PDCD11: variants seen among roughly 807,000 people sequenced by gnomAD.
PDCD11 encodes the protein programmed cell death 11.
A neutral mutation model predicts 198.9 loss-of-function variants in PDCD11; 97 were observed. The ratio of observed to expected loss-of-function variants is 0.49; its 90% CI spans 0.41 to 0.58. PDCD11 has a LOEUF of 0.58. Ranked by LOEUF, PDCD11 falls within the 20% of genes least tolerant of loss-of-function variation. The probability of loss-of-function intolerance (pLI) is 0.00; values close to 1 mark genes in which losing one functional copy is unlikely to be tolerated. For synonymous variants in PDCD11, 893 were observed against 918.0 expected, an observed-to-expected ratio of 0.97 and a Z score of 0.49; for missense variants, 2,102 against 2,312.7, an observed-to-expected ratio of 0.91 and a Z score of 1.87.
At chr10:103,397,338 T>G (rs945799649) in intron 1 of PDCD11, among the ~76,000 whole-genome samples, 3 of 152,144 alleles carry the variant, frequency 2.0e-5, no homozygotes, top group Non-Finnish European at 2.9e-5. Context: ...AGTATATTTT[T>G]CTTGCTTACT....
Position 103,413,961 on chromosome 10 carries a change from T to C in PDCD11, c.1186-5T>C, listed in dbSNP as rs201334332. The C allele has an allele frequency of 7.0e-5, 113 of 1,608,144 alleles. No individual in the cohort carries two copies. The highest frequency in any genetic ancestry group is 7.6e-5 in the Non-Finnish European group (89 of 1,176,992). On this transcript the variant is annotated splice_region_variant and splice_polypyrimidine_tract_variant and intron_variant, in intron 9 of 35. Coordinates refer to ENST00000369797, the MANE Select transcript of PDCD11 (RefSeq NM_014976.2). ...GCTTATCCTCAATCACTTGGTACTT[T>C]GCAGCTCAGCCATCTCTCTGATTCT...
At position 103,433,956 on chromosome 10, in the gene PDCD11, G is replaced by A. The variant is rs2032040805; in HGVS notation, c.3483G>A (p.Val1161=). The change falls in exon 23 of 36, where the codon GTG becomes GTA. Residue 1161 remains valine, a synonymous_variant. Transcript: ENST00000369797. The stretch of plus-strand genomic sequence containing the variant: ...TCCTTTTTTTCCCTCAGTACAATGT[G>A]GTGAAGAAATGGCTTGAGGTGGAGA... ...TVTCFLKKYN[V]VKKWLEVEIA... is the part of the protein sequence containing the mutation. The A allele has an allele frequency of 6.2e-7, 1 of 1,612,262 alleles. No individual in the cohort carries two copies. Among genetic ancestry groups the A allele is most frequent in the Non-Finnish European group, 8.5e-7 (1 of 1,178,386 alleles).
intron 1 of PDCD11, among the ~76,000 whole-genome samples, chr10:103,397,817 T>C (rs2093445218): frequency 6.6e-6 from 1 of 152,248 alleles, no homozygotes; most frequent in South Asian, 2.1e-4. Flanking sequence ...CAGCAAGCCT[T>C]TGAGCAGTTG....
intron 21 of PDCD11, among the ~76,000 whole-genome samples, chr10:103,430,265 TTA>T (rs2031872927): frequency 6.6e-6 from 1 of 152,228 alleles, no homozygotes; most frequent in African/African-American, 2.4e-5. Flanking sequence ...AGTGCTGAGA[TTA>T]TAGGCATGAG....
Position 103,419,581 on chromosome 10 carries a change from G to A in PDCD11, c.2150G>A (p.Gly717Asp), listed in dbSNP as rs773288100. ...GCCTTGGTCTCCACAGTAGAAGGTG[G>A]CCAGGATCCCAAGAACTTCTCAGAA... Reference protein sequence around the residue: ...KPALVSTVEGGQDPKNFSEIH... With the variant: ...KPALVSTVEGDQDPKNFSEIH... The change falls in exon 16 of 36, where the codon GGC (glycine) becomes GAC (aspartate). Residue 717 changes from glycine to aspartate, a missense_variant. Coordinates refer to ENST00000369797, the MANE Select transcript of PDCD11 (RefSeq NM_014976.2). 7 of 1,613,976 alleles carry A rather than the reference G, an allele frequency of 4.3e-6. No individual in the cohort carries two copies. The Admixed American group carries it at 6.7e-5, about 15-fold the overall frequency.
intron 2 of PDCD11, among the ~76,000 whole-genome samples, chr10:103,399,159 T>C (rs576555127): frequency 2.5e-4 from 37 of 148,864 alleles, no homozygotes; most frequent in Middle Eastern, 6.9e-3. Context: ...TTGCCCATGC[T>C]GAAGTGCAGT....
In PDCD11 at chr10:103,445,487, C is replaced by G; in HGVS notation, c.5554C>G (p.Gln1852Glu). 2 of 1,614,138 alleles carry G rather than the reference C, an allele frequency of 1.2e-6. No individual in the cohort carries two copies. Among genetic ancestry groups the G allele is most frequent in the Non-Finnish European group, 1.7e-6 (2 of 1,180,020 alleles). Residue 1852 changes from glutamine (Q) to glutamate (E), a missense_variant, in exon 36 of 36, where the codon CAG becomes GAG. Gln to Glu is a conservative substitution (Grantham distance 29). Coordinates refer to ENST00000369797, the MANE Select transcript of PDCD11 (RefSeq NM_014976.2). ...GCAGCATGGCACTGAGAAGGATGTG[C>G]AGGCAGTCAAGGCCAAGGCCCTGGA... is the stretch of plus-strand genomic sequence containing the variant. ...EKQHGTEKDVQAVKAKALEYV... is the reference protein window; with the variant it reads ...EKQHGTEKDVEAVKAKALEYV...
In PDCD11 at chr10:103,415,042, T is replaced by G. The variant is rs1341881796; in HGVS notation, c.1409T>G (p.Val470Gly). The change falls in exon 12 of 36, where the codon GTG becomes GGG. Residue 470 changes from valine to glycine, a missense_variant. By Grantham distance (109) the Val-to-Gly change is moderately radical. Coordinates refer to ENST00000369797, the MANE Select transcript of PDCD11 (RefSeq NM_014976.2). ...VLTIKSYGML[V>G]KVGEQMRGLV... ...ACCATAAAGTCATATGGGATGCTGGTGAAGGTGGGCGAGCAGATGAGGGGC... is the reference window on the plus strand; with the variant it reads ...ACCATAAAGTCATATGGGATGCTGGGGAAGGTGGGCGAGCAGATGAGGGGC... 6.2e-7 allele frequency: 1 copy of G among 1,614,078 alleles called. No individual in the cohort carries two copies. Among genetic ancestry groups the G allele is most frequent in the Non-Finnish European group, 8.5e-7 (1 of 1,180,010 alleles).
At chr10:103,431,027 T>C (rs1217759595) in intron 21 of PDCD11, among the ~76,000 whole-genome samples, 1 of 152,112 alleles carries the variant, frequency 6.6e-6, no homozygotes, top group East Asian at 1.9e-4. Flanking sequence ...CTCAAACTCC[T>C]GACCTTAGGT....
rs746598611 is a variant in PDCD11, at chr10:103,441,816, G to A, written c.4558-10G>A. On this transcript the variant is annotated splice_polypyrimidine_tract_variant and intron_variant, in intron 30 of 35. Coordinates refer to ENST00000369797, the MANE Select transcript of PDCD11 (RefSeq NM_014976.2). ...CAGGTGCTTTCTTTAGCGCCTCTGT[G>A]TTCCTCCAGGAGAAGCAAACCAAGC... 3.7e-6 allele frequency: 6 copies of A among 1,613,678 alleles called. No individual in the cohort carries two copies. In the Admixed American group the frequency reaches 1.0e-4, roughly 27 times the overall value.
Position 103,428,345 on chromosome 10 carries a change from A to G in PDCD11, c.3368+954A>G, listed in dbSNP as rs1384360028. The stretch of plus-strand genomic sequence containing the variant: ...AACACAAAGTAAATATTCCTGGCAC[A>G]TTGAGTTTCAGATGCTAATAACACT... On this transcript the variant is annotated intron_variant, in intron 21 of 35. Coordinates refer to ENST00000369797, the MANE Select transcript of PDCD11 (RefSeq NM_014976.2). Among the ~76,000 whole-genome samples, 6 of 152,092 alleles carry G rather than the reference A, an allele frequency of 3.9e-5. No homozygotes were observed. The East Asian group carries it at 7.7e-4, about 20-fold the overall frequency.
intron 21 of PDCD11, among the ~76,000 whole-genome samples, chr10:103,431,074 A>G (rs2031914709): frequency 6.6e-6 from 1 of 152,092 alleles, no homozygotes; most frequent in Admixed American, 6.5e-5. Flanking sequence ...TGCTGGGGCA[A>G]TTCTTACTTT....
In PDCD11 at chr10:103,437,944, G is replaced by A. The variant is rs991574071; in HGVS notation, c.3846-71G>A. 4.0e-5 allele frequency: 49 copies of A among 1,234,302 alleles called. No homozygotes were observed. In the Admixed American group the frequency reaches 8.2e-4, roughly 21 times the overall value. 76.5% of individuals were successfully genotyped at this position (1,234,302 alleles called of 1,614,324 possible). ...TGCCTATTCGTCAGCCTGGAGGAGA[G>A]GAAGCTGAGACCCTTTGCTGTTCAC... is the stretch of plus-strand genomic sequence containing the variant. On this transcript the variant is annotated intron_variant, in intron 25 of 35. Transcript: ENST00000369797.
At chr10:103,401,074 A>G (rs770717717) in intron 3 of PDCD11, among the ~76,000 whole-genome samples, 58 of 151,860 alleles carry the variant, frequency 3.8e-4, no homozygotes, top group Non-Finnish European at 6.8e-4. Flanking sequence ...TTTTCCTTTA[A>G]AGCTGTCGTG....
At chr10:103,421,317 C>G in intron 16 of PDCD11, 31 bp from the exon 17 acceptor site, 1 of 1,545,524 alleles carries the variant, frequency 6.5e-7, no homozygotes, top group Non-Finnish European at 8.8e-7. Flanking sequence ...GACCTTTCCT[C>G]TTCTCATCTC....
Position 103,421,443 on chromosome 10 carries a change from G to A in PDCD11, c.2373G>A (p.Gln791=). 1 of 1,605,940 alleles carries A rather than the reference G, an allele frequency of 6.2e-7. No homozygotes were observed. The highest frequency in any genetic ancestry group is 8.5e-7 in the Non-Finnish European group (1 of 1,176,240). ...AKVTNVDEEK[Q]RMLLSLRLSD... ...TGACCAATGTGGATGAGGAGAAGCA[G>A]CGGATGCTGCTGTCACTGCGGCTGT... Residue 791 remains glutamine, a synonymous_variant, in exon 17 of 36, where the codon CAG becomes CAA. Coordinates refer to ENST00000369797, the MANE Select transcript of PDCD11 (RefSeq NM_014976.2).
Position 103,429,900 on chromosome 10 carries a change from C to T in PDCD11, c.3369-2229C>T, listed in dbSNP as rs914782311. Reference sequence around the variant, plus strand: ...ATATAAATGGAACACATACAGTATGCGTCCTTTTGTGACTGGCTTATTTCA... The same window carrying T: ...ATATAAATGGAACACATACAGTATGTGTCCTTTTGTGACTGGCTTATTTCA... On this transcript the variant is annotated intron_variant, in intron 21 of 35. Coordinates refer to ENST00000369797, the MANE Select transcript of PDCD11 (RefSeq NM_014976.2). Among the ~76,000 whole-genome samples the T allele has an allele frequency of 3.3e-5, 5 of 152,192 alleles. No homozygotes were observed. The East Asian group carries it at 5.8e-4, about 18-fold the overall frequency.
Position 103,403,222 on chromosome 10 carries a change from T to C in PDCD11, c.339T>C (p.Thr113=). ...PNGLQGFVQV[T]EICDAYTKKL... ...GCCTCCAGGGCTTTGTGCAAGTCAC[T>C]GAAATCTGTGATGCCTACACCAAAA... The change falls in exon 4 of 36, where the codon ACT becomes ACC. Residue 113 remains threonine, a synonymous_variant. Coordinates refer to ENST00000369797, the MANE Select transcript of PDCD11 (RefSeq NM_014976.2). The C allele has an allele frequency of 6.2e-7, 1 of 1,614,166 alleles. No individual in the cohort carries two copies. The highest frequency in any genetic ancestry group is 8.5e-7 in the Non-Finnish European group (1 of 1,179,998).
Position 103,434,848 on chromosome 10 carries a change from G to T in PDCD11, c.3718G>T (p.Val1240Leu), listed in dbSNP as rs760693418. 29 of 1,612,792 alleles carry T rather than the reference G, an allele frequency of 1.8e-5. No individual in the cohort carries two copies. In the East Asian group the frequency reaches 6.0e-4, roughly 34 times the overall value. The change falls in exon 25 of 36, where the codon GTG becomes TTG. Residue 1240 changes from valine to leucine, a missense_variant. By Grantham distance (32) the Val-to-Leu change is conservative (BLOSUM62 1). Transcript: ENST00000369797. The part of the protein sequence containing the change: ...GEVAMGRVVK[V>L]TPNEGLTVSF... Reference sequence around the variant, plus strand: ...AGTGGCCATGGGCCGAGTGGTGAAGGTGACTCCCAACGAGGGGCTGACCGT... The same window carrying T: ...AGTGGCCATGGGCCGAGTGGTGAAGTTGACTCCCAACGAGGGGCTGACCGT...
Sources: gnomAD v4.1 joint callset for allele counts (sites outside exome capture counted in the v4.1 genomes callset) on GRCh38, gnomAD v4.1.1 for gene constraint, MANE v1.5 for transcripts, NCBI Gene and HGNC (gene_info 2026-07-23, HGNC 2026-07-21) for gene names.